Variants in ZNF142 observed in about 807,000 individuals in gnomAD.
ZNF142 encodes the protein zinc finger protein 142 (clone pHZ-49).
A neutral mutation model predicts 132.1 loss-of-function variants in ZNF142; 96 were observed. The observed-to-expected ratio is 0.73, with a 90% confidence interval of 0.62 to 0.86. The LOEUF (loss-of-function observed/expected upper bound fraction) is 0.86, where lower values mean the gene tolerates loss of function less well. Among genes scored for constraint, ZNF142 ranks in the 40% least tolerant of loss-of-function variants. The pLI is 0.00. For missense variants in ZNF142, 2,163 were observed against 2,336.2 expected (o/e 0.93, Z 1.53); for synonymous variants, 842 against 890.1 (o/e 0.95, Z 0.96).
At position 218,636,011 on chromosome 2, in the gene ZNF142, G is replaced by A. The variant is rs1405802489; in HGVS notation, c.*2328C>T. On this transcript the variant is annotated 3_prime_UTR_variant, in exon 11 of 11. Transcript: ENST00000411696. ...TCTAGTCTGTCTTCCATTAAGTATA[G>A]CATCTGTTATTGCATGTCCCCACAT... 6.9e-6 allele frequency: 11 copies of A among 1,595,242 alleles called. No individual in the cohort carries two copies. The highest frequency in any genetic ancestry group is 8.6e-6 in the Non-Finnish European group (10 of 1,167,268).
chr2:218,642,293 G>A lies in ZNF142; in HGVS notation c.4823C>T (p.Ala1608Val), dbSNP rs930707312. The A allele has an allele frequency of 1.9e-6, 3 of 1,614,128 alleles. No homozygotes were observed. The highest frequency in any genetic ancestry group is 1.7e-5 in the Admixed American group (1 of 60,036). Reference protein sequence around the residue: ...HYLEQHEETSAAVAASDGDGD... With the variant: ...HYLEQHEETSVAVAASDGDGD... Reference sequence around the variant, plus strand: ...ATCCCCATCTGAGGCTGCCACGGCTGCTGAAGTCTCCTCATGCTGTTCCAG... The same window carrying A: ...ATCCCCATCTGAGGCTGCCACGGCTACTGAAGTCTCCTCATGCTGTTCCAG... The change falls in exon 9 of 11, where the codon GCA becomes GTA. Residue 1608 changes from alanine to valine, a missense_variant. Ala to Val is a moderately conservative substitution (Grantham distance 64). This residue lies in a region of ZNF142 where 17 missense variants were observed against 35.9 expected (regional missense o/e 0.47). Transcript: ENST00000411696. This position sits in a 1 kb window ranked among gnomAD's most constrained non-coding sequence, Gnocchi z 4.6.
At position 218,634,294 on chromosome 2, in the gene ZNF142, T is replaced by C; in HGVS notation, c.*4045A>G. 6.4e-7 allele frequency: 1 copy of C among 1,573,294 alleles called. No individual in the cohort carries two copies. Among genetic ancestry groups the C allele is most frequent in the Non-Finnish European group, 8.6e-7 (1 of 1,159,532 alleles). ...TGGGAAATAAGTTCTCTAGTGATGG[T>C]AGGGTTGGGGAATGCTCAAGAAAAT... On this transcript the variant is annotated 3_prime_UTR_variant, in exon 11 of 11. Coordinates refer to ENST00000411696, the MANE Select transcript of ZNF142 (RefSeq NM_001379659.1). The surrounding 1 kb of genome is among the most constrained non-coding windows in gnomAD (Gnocchi z 4.0).
rs1559299108 is a variant in ZNF142, at chr2:218,649,011, G to T, written c.1497C>A (p.Asp499Glu). 6.2e-7 allele frequency: 1 copy of T among 1,612,414 alleles called. No individual in the cohort carries two copies. Among genetic ancestry groups the T allele is most frequent in the Non-Finnish European group, 8.5e-7 (1 of 1,180,044 alleles). The change falls in exon 7 of 11, where the codon GAC becomes GAA. Residue 499 changes from aspartate to glutamate, a missense_variant. Physicochemically the swap from Asp to Glu is conservative, Grantham distance 45. Around this residue, in one of 7 missense-constraint regions of ZNF142, gnomAD observed 749 missense variants for 830.3 expected, o/e 0.90. Coordinates refer to ENST00000411696, the MANE Select transcript of ZNF142 (RefSeq NM_001379659.1). ...FQEGCSYAAP[D>E]RKAFIKHLKE... ...TCAGGTGCTTAATGAAGGCCTTGCGGTCGGGTGCTGCATAGCTGCAGCCCT... is the reference window on the plus strand; with the variant it reads ...TCAGGTGCTTAATGAAGGCCTTGCGTTCGGGTGCTGCATAGCTGCAGCCCT...
At position 218,648,654 on chromosome 2, in the gene ZNF142, T is replaced by C; in HGVS notation, c.1854A>G (p.Arg618=). 1.2e-6 allele frequency: 2 copies of C among 1,613,632 alleles called. No individual in the cohort carries two copies. The highest frequency in any genetic ancestry group is 1.7e-6 in the Non-Finnish European group (2 of 1,179,506). ...FATAHKRVLI[R]HMLLHTGEKP... ...TCCTACCCGTATGTAGAAGCATGTG[T>C]CGGATGAGCACCCTCTTGTGGGCAG... The change falls in exon 7 of 11, where the codon CGA becomes CGG. Residue 618 remains arginine, a synonymous_variant. Transcript: ENST00000411696.
chr2:218,641,243 A>AT (rs71276228), intron 9 of ZNF142, among the ~76,000 whole-genome samples: 6,771 of 103,912 alleles, frequency 0.065, 327 homozygotes, highest in East Asian at 0.12. Context: ...CTGGCCGATA[A>AT]TTTTTTTTTT....
intron 3 of ZNF142, among the ~76,000 whole-genome samples, chr2:218,657,806 T>A (rs1239419105): frequency 1.3e-5 from 2 of 152,202 alleles, no homozygotes; most frequent in East Asian, 1.9e-4. Flanking sequence ...AGAAACGAGG[T>A]CACACTGCAC....
rs770684012 is a variant in ZNF142, at chr2:218,650,489, C to T, written c.918G>A (p.Gln306=). 6.2e-7 allele frequency: 1 copy of T among 1,607,848 alleles called. No individual in the cohort carries two copies. The highest frequency in any genetic ancestry group is 8.5e-7 in the Non-Finnish European group (1 of 1,177,210). The change falls in exon 6 of 11, where the codon CAG becomes CAA. Residue 306 remains glutamine, a synonymous_variant. Coordinates refer to ENST00000411696, the MANE Select transcript of ZNF142 (RefSeq NM_001379659.1). ...KLPPGEREPS[Q]EAGTPLPGQE... ...GCCCAGGCAAGGGTGTACCTGCTTC[C>T]TGTGAAGGTTCTCTCTCTCCTGGAG...
chr2:218,641,061 A>G (rs565535378), intron 9 of ZNF142, among the ~76,000 whole-genome samples: 2 of 151,842 alleles, frequency 1.3e-5, no homozygotes, highest in South Asian at 4.2e-4. Context: ...CAGCCTCCCA[A>G]GTAGCTGGGA....
At chr2:218,657,353 ATC>A (rs1559308506) in intron 3 of ZNF142, among the ~76,000 whole-genome samples, 2 of 151,758 alleles carry the variant, frequency 1.3e-5, no homozygotes, top group South Asian at 2.1e-4. Flanking sequence ...CCCCTTCTCA[ATC>A]TCTCTCTCTT....
Position 218,642,697 on chromosome 2 carries a change from A to G in ZNF142, c.4419T>C (p.Thr1473=). The change falls in exon 9 of 11, where the codon ACT becomes ACC. Residue 1473 remains threonine, a synonymous_variant. Transcript: ENST00000411696. This position sits in a 1 kb window ranked among gnomAD's most constrained non-coding sequence, Gnocchi z 4.6. ...DYSGYLRHDI[T]RHVNSCHQGT... is the part of the protein sequence containing the mutation. Reference sequence around the variant, plus strand: ...CTTGGTGGCAGCTGTTGACATGACGAGTGATGTCATGGCGAAGGTAGCCAC... The same window carrying G: ...CTTGGTGGCAGCTGTTGACATGACGGGTGATGTCATGGCGAAGGTAGCCAC... The G allele has an allele frequency of 6.2e-7, 1 of 1,614,020 alleles. No individual in the cohort carries two copies. The highest frequency in any genetic ancestry group is 1.7e-5 in the Admixed American group (1 of 60,026).
rs2106177921 is a variant in ZNF142 at position 218,636,810 on chromosome 2, T to C, written c.*1529A>G. ...TAAGCCTTTGGTATCTTTCCTGCCC[T>C]TTTCCTTTGTGTACTCTATACTGGA... is the stretch of plus-strand genomic sequence containing the variant. On this transcript the variant is annotated 3_prime_UTR_variant, in exon 11 of 11. Coordinates refer to ENST00000411696, the MANE Select transcript of ZNF142 (RefSeq NM_001379659.1). 1.7e-6 allele frequency: 1 copy of C among 594,974 alleles called. No individual in the cohort carries two copies. The highest frequency in any genetic ancestry group is 3.1e-6 in the Non-Finnish European group (1 of 322,408). 36.9% of individuals were successfully genotyped at this position (594,974 alleles called of 1,614,324 possible). A position where few individuals can be genotyped will look rare whatever the true frequency, so the allele number is the denominator to read the frequency against.
In ZNF142 at chr2:218,643,902, C is replaced by T. The variant is rs778492794; in HGVS notation, c.3214G>A (p.Gly1072Arg). 2 of 1,614,172 alleles carry T rather than the reference C, an allele frequency of 1.2e-6. No homozygotes were observed. The highest frequency in any genetic ancestry group is 4.5e-5 in the East Asian group (2 of 44,870). Residue 1072 changes from glycine (G) to arginine (R), a missense_variant, in exon 9 of 11, where the codon GGG becomes AGG. Physicochemically the swap from Gly to Arg is moderately radical, Grantham distance 125. This residue lies in a region of ZNF142 where 809 missense variants were observed against 801.7 expected (regional missense o/e 1.01). Transcript: ENST00000411696. ...CCGCGTTGTTGCTTGAAGCTAGCCC[C>T]ACACTCGGGGCACAGCAGGGGCTCT... ...RREPLLCPEC[G>R]ASFKQQRGLS...
At position 218,644,978 on chromosome 2, in the gene ZNF142, A is replaced by G. The variant is rs779599602; in HGVS notation, c.2138T>C (p.Met713Thr). The change falls in exon 9 of 11, where the codon ATG becomes ACG. Residue 713 changes from methionine (M) to threonine (T), a missense_variant. By Grantham distance (81) the Met-to-Thr change is moderately conservative. This residue lies in a region of ZNF142 where 749 missense variants were observed against 830.3 expected (regional missense o/e 0.90). Transcript: ENST00000411696. The surrounding 1 kb of genome is among the most constrained non-coding windows in gnomAD (Gnocchi z 4.6). The part of the protein sequence containing the change: ...HKLRHQGKSL[M>T]CEVCAFACKR... ...GCAGGCGAAGGCACACACCTCACAC[A>G]TCAGAGACTTGCCCTGATGCCGCAG... 6.8e-6 allele frequency: 11 copies of G among 1,614,174 alleles called. No individual in the cohort carries two copies. Among genetic ancestry groups the G allele is most frequent in the South Asian group, 1.1e-5 (1 of 91,086 alleles).
rs1225871701 is a variant in ZNF142 at position 218,636,924 on chromosome 2, A to G, written c.*1415T>C. On this transcript the variant is annotated 3_prime_UTR_variant, in exon 11 of 11. Coordinates refer to ENST00000411696, the MANE Select transcript of ZNF142 (RefSeq NM_001379659.1). ...TCAACTCTGTGTGAAGGCAGGTTGCAACTAGAAATTCAGAGGGGCTTGGAA... is the reference window on the plus strand; with the variant it reads ...TCAACTCTGTGTGAAGGCAGGTTGCGACTAGAAATTCAGAGGGGCTTGGAA... 1.1e-5 allele frequency: 5 copies of G among 464,024 alleles called. No individual in the cohort carries two copies. Among genetic ancestry groups the G allele is most frequent in the Non-Finnish European group, 2.2e-5 (5 of 232,396 alleles). 28.7% of individuals were successfully genotyped at this position (464,024 alleles called of 1,614,324 possible). A position where few individuals can be genotyped will look rare whatever the true frequency, so the allele number is the denominator to read the frequency against.
intron 7 of ZNF142, among the ~76,000 whole-genome samples, chr2:218,647,764 C>T (rs1307233309): frequency 2.6e-5 from 4 of 152,194 alleles, no homozygotes; most frequent in Non-Finnish European, 5.9e-5. Flanking sequence ...TGCCCACTCA[C>T]CCAGACCCCT....
Position 218,635,989 on chromosome 2 carries a change from AGTCT to A in ZNF142, c.*2346_*2349del. ...TAGGAGCATGATTAGTTTTCCTTCT[AGTCT>A]GTCTTCCATTAAGTATAGCATCTGT... On this transcript the variant is annotated 3_prime_UTR_variant, in exon 11 of 11. Coordinates refer to ENST00000411696, the MANE Select transcript of ZNF142 (RefSeq NM_001379659.1). 1 of 1,611,030 alleles carries A rather than the reference AGTCT, an allele frequency of 6.2e-7. No individual in the cohort carries two copies. The highest frequency in any genetic ancestry group is 1.3e-5 in the African/African-American group (1 of 75,022).
Position 218,633,502 on chromosome 2 carries a change from C to A in ZNF142, c.*4837G>T. The A allele has an allele frequency of 7.4e-7, 1 of 1,342,716 alleles. No individual in the cohort carries two copies. Among genetic ancestry groups the A allele is most frequent in the Non-Finnish European group, 1.1e-6 (1 of 942,516 alleles). 83.2% of individuals were successfully genotyped at this position (1,342,716 alleles called of 1,614,324 possible). A position where few individuals can be genotyped will look rare whatever the true frequency, so the allele number is the denominator to read the frequency against. ...GGCAGGTGAGGCAGGAGGGAGAATA[C>A]AGTGGGGAGGCAGTGGGCAGAGGTT... On this transcript the variant is annotated 3_prime_UTR_variant, in exon 11 of 11. Coordinates refer to ENST00000411696, the MANE Select transcript of ZNF142 (RefSeq NM_001379659.1).
chr2:218,654,952 G>T (rs1007670261), intron 4 of ZNF142, among the ~76,000 whole-genome samples: 7 of 151,998 alleles, frequency 4.6e-5, no homozygotes, highest in African/African-American at 1.7e-4. Flanking sequence ...GCTGAGTGTG[G>T]GTGGTATACA....
intron 4 of ZNF142, among the ~76,000 whole-genome samples, chr2:218,653,259 AG>A (rs1169679303): frequency 8.7e-5 from 2 of 22,928 alleles, no homozygotes; most frequent in Non-Finnish European, 1.7e-4. Context: ...AGCCTGGCCA[AG>A]AGAGAGACTC....
Sources: allele counts gnomAD v4.1 joint callset (sites outside exome capture counted in the v4.1 genomes callset), GRCh38; gene constraint gnomAD v4.1.1; regional missense constraint gnomAD v4.1.1; non-coding constraint Gnocchi (gnomAD v3.1); transcripts MANE v1.5; gene names NCBI Gene and HGNC (gene_info 2026-07-23, HGNC 2026-07-21).